Variants in TMEM63A observed in about 807,000 individuals in gnomAD.
TMEM63A encodes the protein transmembrane protein 63A.
Under a neutral mutation model 100.6 loss-of-function variants are expected in TMEM63A, and 76 were observed. The ratio of observed to expected loss-of-function variants is 0.76; its 90% CI spans 0.63 to 0.91. TMEM63A has a LOEUF of 0.91. Ranked by LOEUF, TMEM63A falls within the 40% of genes least tolerant of loss-of-function variation. TMEM63A has a pLI of 0.00. For synonymous variants in TMEM63A, 401 were observed against 401.1 expected (o/e 1.00, Z 0.00); for missense variants, 876 against 1,008.8 (o/e 0.87, Z 1.78).
At chr1:225,872,686 CTTCTTTTT>C (rs992942997) in intron 4 of TMEM63A, among the ~76,000 whole-genome samples, 2 of 112,628 alleles carry the variant, frequency 1.8e-5, no homozygotes, top group African/African-American at 3.4e-5. Flanking sequence ...GACTGCTTTT[CTTCTTTTT>C]TTTTTTTTTT....
rs1668931596 is a variant in TMEM63A, at chr1:225,845,780, G to A, written c.*1159C>T. On this transcript the variant is annotated 3_prime_UTR_variant, in exon 25 of 25. Transcript: ENST00000366835. ...CAGAGGCAGCACTGGCCACCACTGC[G>A]GGGGCAAGTCAGCGTCAAGAGAGTC... 4 of 279,302 alleles carry A rather than the reference G, an allele frequency of 1.4e-5. No individual in the cohort carries two copies. Among genetic ancestry groups the A allele is most frequent in the African/African-American group, 4.4e-5 (2 of 45,718 alleles). The allele number at this position is 279,302 out of a possible 1,614,324, so 17.3% of individuals were successfully genotyped here. A position where few individuals can be genotyped will look rare whatever the true frequency, so the allele number is the denominator to read the frequency against.
Position 225,853,686 on chromosome 1 carries a change from G to C in TMEM63A, c.1740C>G (p.Leu580=), listed in dbSNP as rs1205252104. ...TGGCCATGATCATGCGGAAGGTATA[G>C]AGGATGAGACCTGGCAGCCGCAGCA... ...MELLRLPGLI[L]YTFRMIMAKT... Residue 580 remains leucine (L), a synonymous_variant, in exon 19 of 25, where the codon CTC becomes CTG. Transcript: ENST00000366835. The surrounding 1 kb of genome is among the most constrained non-coding windows in gnomAD (Gnocchi z 4.0). 1.3e-6 allele frequency: 2 copies of C among 1,586,544 alleles called. No homozygotes were observed. Among genetic ancestry groups the C allele is most frequent in the Non-Finnish European group, 1.7e-6 (2 of 1,166,290 alleles).
downstream of TMEM63A, chr1:225,842,516 AG>A (rs1449989925): frequency 7.2e-7 from 1 of 1,386,942 alleles, no homozygotes; most frequent in Admixed American, 1.7e-5. Context: ...CCCTGGTCCC[AG>A]CAGCCAACCT....
chr1:225,870,043 T>C (rs1446834428), intron 6 of TMEM63A, among the ~76,000 whole-genome samples: 2 of 152,074 alleles, frequency 1.3e-5, no homozygotes, highest in African/African-American at 4.8e-5. Flanking sequence ...TTGTTCTTAG[T>C]GCTATATAAA....
intron 20 of TMEM63A, among the ~76,000 whole-genome samples, chr1:225,851,664 C>T (rs775596449): frequency 4.6e-5 from 7 of 152,190 alleles, no homozygotes; most frequent in Non-Finnish European, 8.8e-5. Flanking sequence ...CCATCGTGCC[C>T]AGCCCCAGGT....
At chr1:225,852,033 A>G (rs1669366904) in intron 20 of TMEM63A, among the ~76,000 whole-genome samples, 1 of 152,284 alleles carries the variant, frequency 6.6e-6, no homozygotes, top group South Asian at 2.1e-4. Context: ...GGCATCTGCC[A>G]GAGTGAAAGC....
At chr1:225,863,659 G>C (rs999904615) in intron 10 of TMEM63A, among the ~76,000 whole-genome samples, 4 of 152,084 alleles carry the variant, frequency 2.6e-5, no homozygotes, top group African/African-American at 9.7e-5. Context: ...GCTCATGCCT[G>C]TAATCCCAGC....
downstream of TMEM63A, chr1:225,844,437 G>A (rs111455704): frequency 2.5e-6 from 4 of 1,613,422 alleles, no homozygotes; most frequent in African/African-American, 2.7e-5. Context: ...CTTTCTGGCT[G>A]CCCTTTGTCA....
At position 225,848,475 on chromosome 1, in the gene TMEM63A, T is replaced by C. The variant is rs763055250; in HGVS notation, c.2250+17A>G. The C allele has an allele frequency of 1.2e-6, 2 of 1,613,762 alleles. No homozygotes were observed. Among genetic ancestry groups the C allele is most frequent in the Non-Finnish European group, 1.7e-6 (2 of 1,179,908 alleles). ...AAAAAAGGGCGACAAGCTCAGAGGC[T>C]GAGGGGCACAGCTTACTGTGAACGG... On this transcript the variant is annotated intron_variant, in intron 23 of 24. Transcript: ENST00000366835.
At chr1:225,849,538 A>T (rs1407505068) in intron 21 of TMEM63A, among the ~76,000 whole-genome samples, 1 of 152,220 alleles carries the variant, frequency 6.6e-6, no homozygotes, top group Admixed American at 6.5e-5. Flanking sequence ...CACAGCTGAT[A>T]AAGGCACTAT....
chr1:225,855,574 T>G (rs1230563355), intron 18 of TMEM63A, among the ~76,000 whole-genome samples: 1 of 152,150 alleles, frequency 6.6e-6, no homozygotes, highest in East Asian at 1.9e-4. Context: ...GACCCAGCAA[T>G]TCCTTCTCCC....
chr1:225,845,088 C>T, downstream of TMEM63A: 1 of 1,586,950 alleles, frequency 6.3e-7, no homozygotes. Flanking sequence ...CCCTGCTGTG[C>T]AGGACGGAGG....
chr1:225,870,139 C>T (rs940166929), intron 6 of TMEM63A, among the ~76,000 whole-genome samples: 1 of 152,002 alleles, frequency 6.6e-6, no homozygotes, highest in South Asian at 2.1e-4. Context: ...CACCTGAGGT[C>T]GGGAGTTGGA....
In TMEM63A at chr1:225,845,623, C is replaced by CT; in HGVS notation, c.*1315_*1316insA. ...CCCCACATGGGGCCCCCTGTGCAAGCAGAGCTGGCCGGCCCCTCCTTGCTG... is the reference window on the plus strand; with the variant it reads ...CCCCACATGGGGCCCCCTGTGCAAGCTAGAGCTGGCCGGCCCCTCCTTGCTG... On this transcript the variant is annotated 3_prime_UTR_variant, in exon 25 of 25. Coordinates refer to ENST00000366835, the MANE Select transcript of TMEM63A (RefSeq NM_014698.3). 1.9e-6 allele frequency: 1 copy of CT among 526,762 alleles called. No homozygotes were observed. The highest frequency in any genetic ancestry group is 2.1e-5 in the South Asian group (1 of 48,544). The allele number at this position is 526,762 out of a possible 1,614,324, so 32.6% of individuals were successfully genotyped here. A position where few individuals can be genotyped will look rare whatever the true frequency, so the allele number is the denominator to read the frequency against.
chr1:225,866,753 T>C (rs1490909157), intron 8 of TMEM63A, 71 bp from the exon 9 acceptor site: 1 of 1,426,358 alleles, frequency 7.0e-7, no homozygotes, highest in African/African-American at 1.4e-5. Context: ...AGCTGGGGCC[T>C]GGTTACCCTC....
chr1:225,855,752 T>G, intron 18 of TMEM63A, 126 bp downstream of exon 18: 1 of 934,606 alleles, frequency 1.1e-6, no homozygotes, highest in Non-Finnish European at 1.6e-6. Flanking sequence ...CCCTGCTGTC[T>G]GGGGAGGAAG....
chr1:225,864,544 T>C (rs1670105252), intron 10 of TMEM63A: 1 of 152,218 alleles, frequency 6.6e-6, no homozygotes. Flanking sequence ...TTTAAAGTTA[T>C]ACATTAAGTG....
chr1:225,844,749 GCCCTT>G, downstream of TMEM63A: 1 of 1,445,660 alleles, frequency 6.9e-7, no homozygotes, highest in Non-Finnish European at 9.3e-7. Flanking sequence ...TGCCCCAGGG[GCCCTT>G]GGATGGGAAC....
At chr1:225,851,618 C>T (rs928891266) in intron 20 of TMEM63A, among the ~76,000 whole-genome samples, 5 of 152,216 alleles carry the variant, frequency 3.3e-5, no homozygotes, top group African/African-American at 1.2e-4. Flanking sequence ...GATGCACTGC[C>T]TAGGCCTCCC....
Sources: allele counts gnomAD v4.1 joint callset (sites outside exome capture counted in the v4.1 genomes callset), GRCh38; gene constraint gnomAD v4.1.1; non-coding constraint Gnocchi (gnomAD v3.1); transcripts MANE v1.5; gene names NCBI Gene and HGNC (gene_info 2026-07-23, HGNC 2026-07-21).